MAGI2: variants seen among roughly 807,000 people sequenced by gnomAD.
MAGI2 encodes the protein membrane-associated guanylate kinase, WW and PDZ domain-containing protein 2.
Under a neutral mutation model 133.3 loss-of-function variants are expected in MAGI2, and 35 were observed. That is an observed-to-expected ratio of 0.26 (90% CI 0.20 to 0.35). The LOEUF is 0.35. MAGI2 is among the 10% of genes least tolerant of loss of function. MAGI2 has a pLI of 1.00. For missense variants in MAGI2, 1,636 were observed against 1,863.4 expected (o/e 0.88, Z 2.25); for synonymous variants, 729 against 710.6 (o/e 1.03, Z -0.41).
intron 1 of MAGI2, among the ~76,000 whole-genome samples, chr7:79,156,681 C>G (rs1823812338): frequency 6.6e-6 from 1 of 152,094 alleles, no homozygotes; most frequent in African/African-American, 2.4e-5. Flanking sequence ...TCATGCCTCC[C>G]TAAAATGTAT....
At chr7:78,814,552 A>G (rs945158067) in intron 2 of MAGI2, among the ~76,000 whole-genome samples, 9 of 152,248 alleles carry the variant, frequency 5.9e-5, no homozygotes, top group African/African-American at 2.2e-4. Flanking sequence ...CGTGAATTAC[A>G]TTAAATTGTA....
chr7:78,339,638 A>G (rs112419183), intron 9 of MAGI2, among the ~76,000 whole-genome samples: 5 of 152,268 alleles, frequency 3.3e-5, no homozygotes, highest in African/African-American at 1.2e-4. Context: ...TAGTCCCACA[A>G]TTTTGTCTTA....
intron 9 of MAGI2, among the ~76,000 whole-genome samples, chr7:78,259,523 G>C (rs1005628624): frequency 6.6e-6 from 1 of 152,188 alleles, no homozygotes; most frequent in Admixed American, 6.6e-5. Context: ...TGCTATTTCA[G>C]TAATTACTCT....
intron 2 of MAGI2, among the ~76,000 whole-genome samples, chr7:78,834,805 G>A (rs1011733410): frequency 2.0e-5 from 3 of 152,074 alleles, no homozygotes; most frequent in African/African-American, 4.8e-5. Context: ...CTTATGGCTT[G>A]GTGCTGTACT....
At chr7:78,589,568 A>G (rs1298863791) in intron 3 of MAGI2, among the ~76,000 whole-genome samples, 1 of 152,090 alleles carries the variant, frequency 6.6e-6, no homozygotes, top group African/African-American at 2.4e-5. Flanking sequence ...CTGCTTTCCG[A>G]CCCTAATTCC....
At chr7:78,863,503 C>T (rs1794314806) in intron 2 of MAGI2, among the ~76,000 whole-genome samples, 1 of 152,184 alleles carries the variant, frequency 6.6e-6, no homozygotes. Flanking sequence ...AGTGAGCACT[C>T]ACTCATTACT....
intron 20 of MAGI2, among the ~76,000 whole-genome samples, chr7:78,085,164 G>A (rs1421077082): frequency 1.3e-5 from 2 of 152,124 alleles, no homozygotes; most frequent in East Asian, 1.9e-4. Flanking sequence ...AATTTTATTT[G>A]CTTCAATTCA....
chr7:79,013,557 C>A (rs890275094), intron 1 of MAGI2, among the ~76,000 whole-genome samples: 1 of 152,132 alleles, frequency 6.6e-6, no homozygotes, highest in Non-Finnish European at 1.5e-5. Context: ...GCTTGGCTCA[C>A]CTCAAAAATG....
intron 2 of MAGI2, among the ~76,000 whole-genome samples, chr7:78,771,640 T>C (rs1327823812): frequency 6.6e-6 from 1 of 152,228 alleles, no homozygotes; most frequent in Non-Finnish European, 1.5e-5. Flanking sequence ...CATGACTGTT[T>C]CTTTTCCTTT....
chr7:78,226,417 T>C (rs945860607), intron 10 of MAGI2, among the ~76,000 whole-genome samples: 1 of 152,100 alleles, frequency 6.6e-6, no homozygotes, highest in Non-Finnish European at 1.5e-5. Flanking sequence ...ATACAGGCAT[T>C]ACTCTCCTTA....
intron 2 of MAGI2, among the ~76,000 whole-genome samples, chr7:78,695,469 A>C (rs1281915044): frequency 6.6e-6 from 1 of 152,152 alleles, no homozygotes; most frequent in Non-Finnish European, 1.5e-5. Context: ...AAGCATTTCA[A>C]ATATCCAGTG....
chr7:79,435,503 A>G (rs1179749932), intron 1 of MAGI2, among the ~76,000 whole-genome samples: 1 of 152,194 alleles, frequency 6.6e-6, no homozygotes, highest in Non-Finnish European at 1.5e-5. Flanking sequence ...AAATAACTGA[A>G]CTTTCAGACA....
At chr7:79,222,977 CG>C (rs1044945752) in intron 1 of MAGI2, among the ~76,000 whole-genome samples, 10 of 151,986 alleles carry the variant, frequency 6.6e-5, no homozygotes, top group African/African-American at 2.2e-4. Context: ...CTCCGCCTCC[CG>C]GGTTCACGCC....
chr7:78,868,076 A>G (rs912616227), intron 2 of MAGI2, among the ~76,000 whole-genome samples: 3 of 152,236 alleles, frequency 2.0e-5, no homozygotes, highest in African/African-American at 7.2e-5. Flanking sequence ...TTCACTGGAA[A>G]TACTGCAAAA....
Position 78,095,260 on chromosome 7 carries a change from T to C in MAGI2, c.3568-16175A>G, listed in dbSNP as rs370774863. On this transcript the variant is annotated intron_variant, in intron 20 of 21. Coordinates refer to ENST00000354212, the MANE Select transcript of MAGI2 (RefSeq NM_012301.4). ...TTTTTTGGAAGATAGTAAATCTTTT[T>C]TGGAAGACCTCTCCATATTGGGAGA... 1.1e-4 allele frequency among the ~76,000 whole-genome samples: 17 copies of C among 152,318 alleles called. No individual in the cohort carries two copies. In the East Asian group the frequency reaches 1.3e-3, roughly 12 times the overall value.
At chr7:78,930,956 G>T (rs1394635549) in intron 2 of MAGI2, among the ~76,000 whole-genome samples, 1 of 152,058 alleles carries the variant, frequency 6.6e-6, no homozygotes, top group African/African-American at 2.4e-5. Flanking sequence ...ATGCCACTGC[G>T]AAACGAATTT....
chr7:78,461,383 C>CGTGTGTGCGTGT (rs1487666561), intron 6 of MAGI2, among the ~76,000 whole-genome samples: 25 of 92,722 alleles, frequency 2.7e-4, no homozygotes, highest in African/African-American at 9.6e-4. Context: ...TTCCTGGACA[C>CGTGTGTGCGTGT]GTGTGTGTGC....
chr7:78,601,203 A>G, intron 3 of MAGI2, among the ~76,000 whole-genome samples: 1 of 152,102 alleles, frequency 6.6e-6, no homozygotes, highest in South Asian at 2.1e-4. Context: ...GCCACACACT[A>G]TTCTAGGGAC....
intron 19 of MAGI2, among the ~76,000 whole-genome samples, chr7:78,126,683 TTGGCTG>T (rs1198558167): frequency 6.6e-6 from 1 of 152,134 alleles, no homozygotes; most frequent in Non-Finnish European, 1.5e-5. Flanking sequence ...CAGAGAGTTG[TTGGCTG>T]TGGCAGGCGC....
Sources: gnomAD v4.1 joint callset for allele counts (sites outside exome capture counted in the v4.1 genomes callset) on GRCh38, gnomAD v4.1.1 for gene constraint, MANE v1.5 for transcripts, NCBI Gene and HGNC (gene_info 2026-07-23, HGNC 2026-07-21) for gene names.